Variants in KIDINS220 observed in about 807,000 individuals in gnomAD.
KIDINS220 encodes the protein kinase D-interacting substrate of 220 kDa.
Under a neutral mutation model 157.6 loss-of-function variants are expected in KIDINS220, and 63 were observed. The ratio of observed to expected loss-of-function variants is 0.40; its 90% confidence interval spans 0.33 to 0.49. The LOEUF (loss-of-function observed/expected upper bound fraction) is 0.49. Ranked by LOEUF, KIDINS220 falls within the 20% of genes least tolerant of loss-of-function variation. The pLI is 0.66. For synonymous variants in KIDINS220, 732 were observed against 783.6 expected, an observed-to-expected ratio of 0.93 and a Z score of 1.10; for missense variants, 1,772 against 2,171.2, an observed-to-expected ratio of 0.82 and a Z score of 3.65.
downstream of KIDINS220, chr2:8,727,161 C>G (rs1416327303): frequency 8.6e-7 from 1 of 1,156,834 alleles, no homozygotes; most frequent in East Asian, 5.9e-5. Flanking sequence ...CCTGGAAACT[C>G]AAAACGCGAT....
intron 26 of KIDINS220, chr2:8,746,794 A>T (rs1224045847): frequency 4.7e-6 from 1 of 213,350 alleles, no homozygotes; most frequent in African/African-American, 2.3e-5. Flanking sequence ...CCACAGGCTT[A>T]ACAAAAACAG....
At chr2:8,836,923 G>A (rs891123200) in intron 1 of KIDINS220, among the ~76,000 whole-genome samples, 2 of 152,192 alleles carry the variant, frequency 1.3e-5, no homozygotes, top group African/African-American at 2.4e-5. Context: ...AAGTGATGAA[G>A]AAATTATTTC....
chr2:8,773,148 T>G (rs904119352), intron 21 of KIDINS220, among the ~76,000 whole-genome samples: 1 of 152,214 alleles, frequency 6.6e-6, no homozygotes, highest in African/African-American at 2.4e-5. Flanking sequence ...AAATTTTACT[T>G]AGAAATTTTT....
intron 21 of KIDINS220, among the ~76,000 whole-genome samples, chr2:8,775,103 TCTTA>T (rs1352578702): frequency 2.0e-5 from 3 of 152,228 alleles, no homozygotes; most frequent in East Asian, 3.8e-4. Flanking sequence ...ATCAAGATTT[TCTTA>T]CTTAAGGAAC....
At chr2:8,800,540 C>T (rs1572710308) in intron 8 of KIDINS220, 42 bp from the exon 9 acceptor site, 1 of 1,352,678 alleles carries the variant, frequency 7.4e-7, no homozygotes. Context: ...GGTAAATTGA[C>T]AACAAATAAG....
At chr2:8,759,663 G>A (rs998748158) in intron 22 of KIDINS220, among the ~76,000 whole-genome samples, 1 of 151,212 alleles carries the variant, frequency 6.6e-6, no homozygotes, top group Non-Finnish European at 1.5e-5. Context: ...GTACAATACT[G>A]GTAAGGCACT....
At chr2:8,782,838 G>C (rs1219573631) in intron 17 of KIDINS220, among the ~76,000 whole-genome samples, 1 of 152,184 alleles carries the variant, frequency 6.6e-6, no homozygotes, top group Non-Finnish European at 1.5e-5. Context: ...AATCAAGTGA[G>C]ATTTATGCCA....
chr2:8,761,018 T>C (rs554238384), intron 22 of KIDINS220, among the ~76,000 whole-genome samples: 5 of 152,196 alleles, frequency 3.3e-5, no homozygotes, highest in African/African-American at 9.6e-5. Flanking sequence ...CATGTGAAAA[T>C]AGTGTCTATC....
chr2:8,817,449 T>A (rs1258885338), intron 4 of KIDINS220, among the ~76,000 whole-genome samples, 169 bp downstream of exon 4: 1 of 152,200 alleles, frequency 6.6e-6, no homozygotes, highest in South Asian at 2.1e-4. Flanking sequence ...AGAGGTATAT[T>A]ACAACACCTG....
intron 22 of KIDINS220, among the ~76,000 whole-genome samples, chr2:8,756,232 T>C (rs1184013336): frequency 6.6e-6 from 1 of 152,198 alleles, no homozygotes; most frequent in African/African-American, 2.4e-5. Context: ...TTCTTTTAGA[T>C]GCTACTGTAA....
At chr2:8,796,663 A>C in intron 11 of KIDINS220, 108 bp downstream of exon 11, 1 of 847,664 alleles carries the variant, frequency 1.2e-6, no homozygotes, top group Non-Finnish European at 2.0e-6. Flanking sequence ...CCAGCAAGTC[A>C]TCTCTCCCCA....
intron 21 of KIDINS220, among the ~76,000 whole-genome samples, chr2:8,771,635 G>T: frequency 6.6e-6 from 1 of 151,986 alleles, no homozygotes; most frequent in African/African-American, 2.4e-5. Flanking sequence ...ATACCTATTT[G>T]TTTTAGTTCC....
intron 26 of KIDINS220, among the ~76,000 whole-genome samples, chr2:8,745,617 T>C (rs1436267307): frequency 6.6e-6 from 1 of 152,018 alleles, no homozygotes; most frequent in Non-Finnish European, 1.5e-5. Flanking sequence ...GCCAACATGG[T>C]GAAACCCCAT....
intron 24 of KIDINS220, among the ~76,000 whole-genome samples, 170 bp from the exon 25 acceptor site, chr2:8,748,170 A>C (rs1052343931): frequency 4.6e-5 from 7 of 152,224 alleles, no homozygotes; most frequent in African/African-American, 1.7e-4. Flanking sequence ...ACTCAAACTT[A>C]AGAAATATTA....
Position 8,778,747 on chromosome 2 carries a change from C to G in KIDINS220, c.2615-20G>C. On this transcript the variant is annotated intron_variant, in intron 19 of 29. Transcript: ENST00000256707. ...GTATCCCTTAAATAATTTATCAAGA[C>G]AGCATCACTTACACCAAAATTCTGT... 1 of 1,604,616 alleles carries G rather than the reference C, an allele frequency of 6.2e-7. No individual in the cohort carries two copies. The highest frequency in any genetic ancestry group is 8.5e-7 in the Non-Finnish European group (1 of 1,171,446).
At chr2:8,746,942 G>A (rs1666667761) in intron 26 of KIDINS220, 2 of 507,386 alleles carry the variant, frequency 3.9e-6, no homozygotes, top group Non-Finnish European at 7.0e-6. Context: ...GGAAAAGCAG[G>A]AGGAAATAAT....
intron 22 of KIDINS220, among the ~76,000 whole-genome samples, chr2:8,763,654 A>G (rs1261460891): frequency 1.3e-5 from 2 of 152,238 alleles, no homozygotes; most frequent in Middle Eastern, 3.2e-3. Flanking sequence ...GTTTAGCACA[A>G]CAGAACTGGA....
Position 8,800,515 on chromosome 2 carries a change from T to A in KIDINS220, c.802-17A>T, listed in dbSNP as rs1553330151. On this transcript the variant is annotated splice_polypyrimidine_tract_variant and intron_variant, in intron 8 of 29. Transcript: ENST00000256707. Reference sequence around the variant, plus strand: ...ATCCCCACTCTAAGAAGACAGAAAATAAAAACAAAAACAAGGTAAATTGAC... The same window carrying A: ...ATCCCCACTCTAAGAAGACAGAAAAAAAAAACAAAAACAAGGTAAATTGAC... 2 of 1,544,780 alleles carry A rather than the reference T, an allele frequency of 1.3e-6. No homozygotes were observed. The highest frequency in any genetic ancestry group is 4.5e-5 in the East Asian group (2 of 44,168).
chr2:8,737,220 C>A (rs530580528), intron 26 of KIDINS220: 17 of 387,396 alleles, frequency 4.4e-5, no homozygotes, highest in Non-Finnish European at 7.4e-5. Context: ...TGGTCAAAAC[C>A]ATTTTTTCTA....
Sources: gnomAD v4.1 joint callset for allele counts (sites outside exome capture counted in the v4.1 genomes callset) on GRCh38, gnomAD v4.1.1 for gene constraint, MANE v1.5 for transcripts, NCBI Gene and HGNC (gene_info 2026-07-23, HGNC 2026-07-21) for gene names.